The following ZNF385B variants were observed in gnomAD, a reference collection of about 807,000 sequenced individuals.
ZNF385B encodes zinc finger protein 533.
A neutral mutation model predicts 39.2 loss-of-function variants in ZNF385B; 23 were observed. The ratio of observed to expected loss-of-function variants is 0.59; its 90% CI spans 0.42 to 0.83. The LOEUF (loss-of-function observed/expected upper bound fraction) is 0.83. ZNF385B is among the 40% of genes least tolerant of loss of function. The pLI is 0.00. For missense variants in ZNF385B, 552 were observed against 598.9 expected (o/e 0.92, Z 0.82); for synonymous variants, 205 against 222.6 (o/e 0.92, Z 0.70).
At position 179,443,386 on chromosome 2, in the gene ZNF385B, A is replaced by C. The variant is rs1574144064; in HGVS notation, c.1325T>G (p.Val442Gly). The C allele has an allele frequency of 6.2e-7, 1 of 1,611,368 alleles. No individual in the cohort carries two copies. Among genetic ancestry groups the C allele is most frequent in the Non-Finnish European group, 8.5e-7 (1 of 1,179,216 alleles). The change falls in exon 10 of 10, where the codon GTG becomes GGG. Residue 442 changes from valine (V) to glycine (G), a missense_variant. Transcript: ENST00000410066. ...LSSPLAAAAA[V>G]SSALSLPPRP... ...GGGTGGGAGTGACAGCGCTGAGGAC[A>C]CGGCTGCCGCCGCTGCGAGAGGTGA...
At chr2:179,754,123 T>C (rs1334234772) in intron 3 of ZNF385B, among the ~76,000 whole-genome samples, 4 of 152,202 alleles carry the variant, frequency 2.6e-5, no homozygotes, top group African/African-American at 7.2e-5. Context: ...ACCTAATTTA[T>C]TGAGAGTTTT....
chr2:179,777,799 T>G (rs1704423600), intron 1 of ZNF385B, among the ~76,000 whole-genome samples: 1 of 149,890 alleles, frequency 6.7e-6, no homozygotes, highest in Non-Finnish European at 1.5e-5. Flanking sequence ...TTGGGATGGA[T>G]GCTTGCTCCG....
intron 3 of ZNF385B, among the ~76,000 whole-genome samples, chr2:179,616,296 T>G (rs1047991010): frequency 9.9e-5 from 15 of 152,168 alleles, no homozygotes; most frequent in African/African-American, 3.4e-4. Flanking sequence ...TATCTACATT[T>G]TATGGTTTTT....
At chr2:179,545,227 G>C (rs1038156202) in intron 3 of ZNF385B, among the ~76,000 whole-genome samples, 1 of 152,210 alleles carries the variant, frequency 6.6e-6, no homozygotes, top group Non-Finnish European at 1.5e-5. Flanking sequence ...CTAGTAGACA[G>C]ATCCTACTGG....
chr2:179,760,648 T>C (rs1159920084), intron 3 of ZNF385B, among the ~76,000 whole-genome samples: 2 of 152,136 alleles, frequency 1.3e-5, no homozygotes, highest in Admixed American at 1.3e-4. Flanking sequence ...ATTGCAGATG[T>C]GATTGCTAGG....
intron 3 of ZNF385B, among the ~76,000 whole-genome samples, chr2:179,617,093 G>A (rs952089056): frequency 1.2e-4 from 19 of 152,020 alleles, no homozygotes; most frequent in African/African-American, 4.1e-4. Flanking sequence ...ATTTTCTCTT[G>A]GCATTTAATA....
chr2:179,612,863 T>C (rs867021042), intron 3 of ZNF385B, among the ~76,000 whole-genome samples: 1 of 152,198 alleles, frequency 6.6e-6, no homozygotes, highest in Admixed American at 6.5e-5. Context: ...AGAGATGCCA[T>C]CCAGGAGCCA....
chr2:179,765,921 C>T (rs1043874573), intron 3 of ZNF385B, among the ~76,000 whole-genome samples: 7 of 152,026 alleles, frequency 4.6e-5, no homozygotes, highest in Admixed American at 1.3e-4. Context: ...CTTTGAGTCT[C>T]TCTTTCACCG....
chr2:179,798,308 C>T (rs866596575), intron 1 of ZNF385B, among the ~76,000 whole-genome samples: 9 of 152,078 alleles, frequency 5.9e-5, no homozygotes, highest in Middle Eastern at 3.4e-3. Flanking sequence ...TCCAAGGACA[C>T]CCCATTCCTC....
chr2:179,557,687 C>A (rs963250389), intron 3 of ZNF385B, among the ~76,000 whole-genome samples: 1 of 148,716 alleles, frequency 6.7e-6, no homozygotes, highest in African/African-American at 2.5e-5. Context: ...CATATACATG[C>A]TATATATGTA....
At chr2:179,543,435 C>T (rs1321934632) in intron 4 of ZNF385B, among the ~76,000 whole-genome samples, 2 of 152,152 alleles carry the variant, frequency 1.3e-5, no homozygotes, top group Admixed American at 1.3e-4. Context: ...TTAATCAAAA[C>T]ACAAATACCT....
chr2:179,572,489 A>G (rs1221734721), intron 3 of ZNF385B, among the ~76,000 whole-genome samples: 1 of 152,102 alleles, frequency 6.6e-6, no homozygotes, highest in Non-Finnish European at 1.5e-5. Context: ...GCATCATAGT[A>G]ACCTATGTGA....
chr2:179,585,169 T>C (rs1428862428), intron 3 of ZNF385B, among the ~76,000 whole-genome samples: 1 of 152,102 alleles, frequency 6.6e-6, no homozygotes, highest in Non-Finnish European at 1.5e-5. Context: ...CAGAAAGTAA[T>C]GGAATGATGT....
intron 1 of ZNF385B, among the ~76,000 whole-genome samples, chr2:179,835,066 C>T (rs1438067780): frequency 6.6e-6 from 1 of 152,078 alleles, no homozygotes; most frequent in African/African-American, 2.4e-5. Flanking sequence ...CTATAAAGGA[C>T]AAAATTGGGA....
chr2:179,514,773 T>C (rs2057962898), intron 5 of ZNF385B, among the ~76,000 whole-genome samples: 1 of 50,558 alleles, frequency 2.0e-5, no homozygotes, highest in Non-Finnish European at 4.2e-5. Flanking sequence ...TTTCAATGTG[T>C]GGTGGTTTTT....
intron 1 of ZNF385B, among the ~76,000 whole-genome samples, chr2:179,859,437 T>C (rs1386259546): frequency 3.3e-5 from 5 of 152,212 alleles, no homozygotes; most frequent in African/African-American, 9.7e-5. Context: ...TAAAATAATA[T>C]ACTGCAAACA....
At chr2:179,690,267 A>T (rs1411907526) in intron 3 of ZNF385B, among the ~76,000 whole-genome samples, 2 of 152,100 alleles carry the variant, frequency 1.3e-5, no homozygotes, top group Non-Finnish European at 2.9e-5. Context: ...GGGTTAGAGG[A>T]TGCTTATTAT....
intron 1 of ZNF385B, among the ~76,000 whole-genome samples, chr2:179,856,977 C>T (rs112396983): frequency 0.052 from 7,913 of 152,280 alleles, 287 homozygotes; most frequent in Middle Eastern, 0.078. Flanking sequence ...CTGCACCTTG[C>T]TTCTCAAAGC....
At chr2:179,653,281 A>T (rs139437474) in intron 3 of ZNF385B, among the ~76,000 whole-genome samples, 522 of 152,198 alleles carry the variant, frequency 3.4e-3, no homozygotes, top group Non-Finnish European at 5.9e-3. Context: ...CCCTCACTAG[A>T]CCCCGTGCAC....
Sources: gnomAD v4.1 joint callset for allele counts (sites outside exome capture counted in the v4.1 genomes callset) on GRCh38, gnomAD v4.1.1 for gene constraint, MANE v1.5 for transcripts, NCBI Gene and HGNC (gene_info 2026-07-23, HGNC 2026-07-21) for gene names.